ASH1L: variants seen among roughly 807,000 people sequenced by gnomAD.
ASH1L encodes the protein ASH1 like histone lysine methyltransferase.
In ASH1L, 23 loss-of-function variants were observed where a neutral mutation model predicts 269.0. That is an observed-to-expected ratio of 0.09 (90% CI 0.06 to 0.12). The LOEUF (loss-of-function observed/expected upper bound fraction) is 0.12, where lower values mean the gene tolerates loss of function less well. Ranked by LOEUF, ASH1L falls within the 10% of genes least tolerant of loss-of-function variation. The pLI is 1.00. For missense variants in ASH1L, 2,912 were observed against 3,567.8 expected, an observed-to-expected ratio of 0.82 and a Z score of 4.68; for synonymous variants, 1,187 against 1,253.5, an observed-to-expected ratio of 0.95 and a Z score of 1.12.
intron 7 of ASH1L, among the ~76,000 whole-genome samples, chr1:155,390,575 C>T (rs1657829370): frequency 6.6e-6 from 1 of 151,752 alleles, no homozygotes; most frequent in Non-Finnish European, 1.5e-5. Context: ...AGAAAGCTCT[C>T]AGAACTAAAA....
At chr1:155,425,860 G>A (rs111542359) in intron 5 of ASH1L, among the ~76,000 whole-genome samples, 7,156 of 150,892 alleles carry the variant, frequency 0.047, 581 homozygotes, top group African/African-American at 0.17. Context: ...TTACAGGTGG[G>A]AGCCCCCATG....
rs556422925 is a variant in ASH1L, at chr1:155,344,367, T to A, written c.7891-94A>T. The A allele has an allele frequency of 1.4e-5, 13 of 946,278 alleles. No individual in the cohort carries two copies. In the South Asian group the frequency reaches 1.8e-4, roughly 13 times the overall value. The allele number at this position is 946,278 out of a possible 1,614,324, so 58.6% of individuals were successfully genotyped here. ...TAGAATTCTCAATCAAAACTTACTG[T>A]TTAGTCATTTCAATATACCACAGAT... On this transcript the variant is annotated intron_variant, in intron 21 of 27. Transcript: ENST00000392403.
chr1:155,498,349 T>C (rs957352560), intron 2 of ASH1L, among the ~76,000 whole-genome samples: 1 of 152,102 alleles, frequency 6.6e-6, no homozygotes, highest in Non-Finnish European at 1.5e-5. Flanking sequence ...TACTTAATGT[T>C]ACCTCAGCCT....
intron 1 of ASH1L, among the ~76,000 whole-genome samples, chr1:155,523,273 C>T (rs961836924): frequency 1.3e-5 from 2 of 152,090 alleles, no homozygotes; most frequent in Admixed American, 6.5e-5. Flanking sequence ...GGTGGGTGGA[C>T]TCTTTGAGCC....
intron 1 of ASH1L, among the ~76,000 whole-genome samples, chr1:155,552,130 T>TC (rs1671260091): frequency 6.6e-6 from 1 of 152,104 alleles, no homozygotes; most frequent in African/African-American, 2.4e-5. Flanking sequence ...CATCACTGTA[T>TC]CCCAGTACCT....
chr1:155,410,351 T>C (rs1011796938), intron 6 of ASH1L, among the ~76,000 whole-genome samples: 3 of 152,136 alleles, frequency 2.0e-5, no homozygotes, highest in African/African-American at 7.2e-5. Flanking sequence ...TCACCCAGGC[T>C]GGAGTGCAAT....
At chr1:155,399,126 A>G (rs936314286) in intron 6 of ASH1L, among the ~76,000 whole-genome samples, 1 of 152,208 alleles carries the variant, frequency 6.6e-6, no homozygotes, top group Non-Finnish European at 1.5e-5. Flanking sequence ...TAATTTCCTC[A>G]TATTTGTTAC....
chr1:155,411,586 A>AATAAATAAATAAATATATATATAT (rs1297131961), intron 6 of ASH1L, among the ~76,000 whole-genome samples: 68 of 55,116 alleles, frequency 1.2e-3, no homozygotes, highest in Non-Finnish European at 1.7e-3. Context: ...TAAATAAATA[A>AATAAATAAATAAATATATATATAT]ATATATATAT....
At chr1:155,451,347 A>G (rs1261097254) in intron 4 of ASH1L, among the ~76,000 whole-genome samples, 2 of 152,242 alleles carry the variant, frequency 1.3e-5, no homozygotes, top group Non-Finnish European at 1.5e-5. Context: ...ACAGGGGAAT[A>G]TGAAGTTCTT....
chr1:155,463,653 G>A (rs1664465005), intron 3 of ASH1L, among the ~76,000 whole-genome samples: 1 of 152,056 alleles, frequency 6.6e-6, no homozygotes, highest in African/African-American at 2.4e-5. Flanking sequence ...AATTAGCTGG[G>A]CATAGTGGTG....
intron 5 of ASH1L, among the ~76,000 whole-genome samples, chr1:155,416,776 G>A (rs905260631): frequency 6.6e-6 from 1 of 150,646 alleles, no homozygotes. Flanking sequence ...CCTAACATCA[G>A]GTAATCCGCC....
At chr1:155,500,208 T>G (rs1342079498) in intron 2 of ASH1L, among the ~76,000 whole-genome samples, 1 of 152,196 alleles carries the variant, frequency 6.6e-6, no homozygotes, top group Non-Finnish European at 1.5e-5. Flanking sequence ...TCCAAGGCTT[T>G]AGGACAGATC....
intron 27 of ASH1L, 64 bp from the exon 28 acceptor site, chr1:155,337,815 G>T: frequency 6.9e-7 from 1 of 1,454,294 alleles, no homozygotes. Context: ...CCAGATTTGA[G>T]CTCTAAGGAG....
chr1:155,460,850 C>T (rs1433125469), intron 3 of ASH1L, among the ~76,000 whole-genome samples: 1 of 152,076 alleles, frequency 6.6e-6, no homozygotes, highest in Non-Finnish European at 1.5e-5. Context: ...ATGCTTTTAG[C>T]AAAACCGCAA....
At chr1:155,517,642 A>AAAAC (rs143180872) in intron 2 of ASH1L, among the ~76,000 whole-genome samples, 1,844 of 150,342 alleles carry the variant, frequency 0.012, 24 homozygotes, top group African/African-American at 0.032. Flanking sequence ...GACTCCATCT[A>AAAAC]AAACAAACAA....
At chr1:155,499,854 T>A (rs1313846879) in intron 2 of ASH1L, among the ~76,000 whole-genome samples, 1 of 152,152 alleles carries the variant, frequency 6.6e-6, no homozygotes, top group Admixed American at 6.6e-5. Context: ...ATTTTTTTTT[T>A]CCATTAGCAA....
intron 6 of ASH1L, among the ~76,000 whole-genome samples, chr1:155,411,620 T>TATATATATTTTTATATATA (rs1299486334): frequency 8.0e-6 from 1 of 125,088 alleles, no homozygotes; most frequent in African/African-American, 2.9e-5. Flanking sequence ...TATATATATG[T>TATATATATTTTTATATATA]TTTCATCCAT....
At chr1:155,555,692 C>T (rs1030946700) in intron 1 of ASH1L, among the ~76,000 whole-genome samples, 6 of 152,094 alleles carry the variant, frequency 3.9e-5, no homozygotes, top group South Asian at 2.1e-4. Flanking sequence ...ATGCAAACAT[C>T]GAAAAGCAAT....
intron 1 of ASH1L, among the ~76,000 whole-genome samples, chr1:155,531,228 T>C (rs1669651186): frequency 6.6e-6 from 1 of 152,166 alleles, no homozygotes; most frequent in South Asian, 2.1e-4. Context: ...ATTGCTTTTA[T>C]ATTCATTACT....
Sources: gnomAD v4.1 joint callset for allele counts (sites outside exome capture counted in the v4.1 genomes callset) on GRCh38, gnomAD v4.1.1 for gene constraint, MANE v1.5 for transcripts, NCBI Gene and HGNC (gene_info 2026-07-23, HGNC 2026-07-21) for gene names.